ANKRD45: variants seen among roughly 807,000 people sequenced by gnomAD.
ANKRD45 encodes ankyrin repeat domain-containing protein 45.
ANKRD45 carries 21 observed loss-of-function variants against 28.1 expected under a neutral mutation model. The ratio of observed to expected loss-of-function variants is 0.75; its 90% CI spans 0.53 to 1.08. The LOEUF (loss-of-function observed/expected upper bound fraction) is 1.08, where lower values mean the gene tolerates loss of function less well. Among genes scored for constraint, ANKRD45 ranks in the 50% least tolerant of loss-of-function variants. The pLI is 0.00. For missense variants in ANKRD45, 261 were observed against 308.7 expected, an observed-to-expected ratio of 0.85 and a Z score of 1.16; for synonymous variants, 86 against 103.9, an observed-to-expected ratio of 0.83 and a Z score of 1.05.
the ANKRD45 span, among the ~76,000 whole-genome samples, chr1:173,696,389 G>A: frequency 2.0e-5 from 3 of 152,254 alleles, no homozygotes; most frequent in Admixed American, 2.0e-4. Flanking sequence ...TTTCTTCTAG[G>A]ATTTTTATAG....
chr1:173,689,715 T>C, the ANKRD45 span, among the ~76,000 whole-genome samples: 1 of 152,110 alleles, frequency 6.6e-6, no homozygotes, highest in Non-Finnish European at 1.5e-5. Flanking sequence ...GGGTACTTAT[T>C]CCCAAATTCC....
rs1245770392 is a variant in ANKRD45, at chr1:173,608,882, AGGGAG to A, written c.*1258_*1262del. Among the ~76,000 whole-genome samples, 4 of 67,472 alleles carry A rather than the reference AGGGAG, an allele frequency of 5.9e-5. No individual in the cohort carries two copies. The highest frequency in any genetic ancestry group is 1.0e-4 in the Non-Finnish European group (4 of 38,290). 44.3% of individuals were successfully genotyped at this position (67,472 alleles called of 152,430 possible). On this transcript the variant is annotated 3_prime_UTR_variant, in exon 6 of 6. Coordinates refer to ENST00000333279, the MANE Select transcript of ANKRD45 (RefSeq NM_198493.3). ...GAGGAAGGGAGGGGAGGGGAGAGGA[AGGGAG>A]GGGAGGGGAGAGGAAGGGAGAGGAA...
chr1:173,641,696 AAAC>A (rs1217550288), intron 3 of ANKRD45, among the ~76,000 whole-genome samples: 1 of 152,126 alleles, frequency 6.6e-6, no homozygotes, highest in East Asian at 1.9e-4. Context: ...GCGAAAGTAA[AAAC>A]AAGACACTGC....
chr1:173,675,078 G>A, the ANKRD45 span, among the ~76,000 whole-genome samples: 10 of 152,196 alleles, frequency 6.6e-5, no homozygotes, highest in African/African-American at 2.4e-4. Flanking sequence ...AACGATCCTG[G>A]AAAATCAATA....
intron 5 of ANKRD45, among the ~76,000 whole-genome samples, chr1:173,611,621 A>ACT (rs35863665): frequency 6.5e-4 from 72 of 110,688 alleles, no homozygotes; most frequent in Middle Eastern, 6.5e-3. Context: ...ACACACACAC[A>ACT]ATAAAAATAT....
chr1:173,693,882 T>C, the ANKRD45 span, among the ~76,000 whole-genome samples: 1 of 152,230 alleles, frequency 6.6e-6, no homozygotes, highest in African/African-American at 2.4e-5. Context: ...TGCCCATCAG[T>C]AACTTTTATT....
At chr1:173,653,730 T>A (rs12076223) in intron 2 of ANKRD45, among the ~76,000 whole-genome samples, 25,761 of 151,948 alleles carry the variant, frequency 0.17, 7,291 homozygotes, top group African/African-American at 0.59. Context: ...TGTTTGGGAG[T>A]CTAAATCTCT....
At chr1:173,702,871 C>T in the ANKRD45 span, among the ~76,000 whole-genome samples, 1 of 151,870 alleles carries the variant, frequency 6.6e-6, no homozygotes, top group Non-Finnish European at 1.5e-5. Context: ...AATAGACATG[C>T]ACCACCACCA....
the ANKRD45 span, among the ~76,000 whole-genome samples, chr1:173,682,138 T>A: frequency 6.6e-6 from 1 of 151,984 alleles, no homozygotes; most frequent in Non-Finnish European, 1.5e-5. Flanking sequence ...TTTATTTAAA[T>A]AGGGACTACT....
At chr1:173,693,294 C>CAAA in the ANKRD45 span, among the ~76,000 whole-genome samples, 1 of 141,778 alleles carries the variant, frequency 7.1e-6, no homozygotes, top group African/African-American at 2.6e-5. Flanking sequence ...GACTCCACCT[C>CAAA]AAAAAAAAAA....
intron 2 of ANKRD45, among the ~76,000 whole-genome samples, chr1:173,653,922 C>CTTTTTTTTTTTTT (rs1185149394): frequency 2.0e-5 from 2 of 100,328 alleles, no homozygotes; most frequent in Non-Finnish European, 4.1e-5. Context: ...GCAACCCTTG[C>CTTTTTTTTTTTTT]TTTTTTTTTT....
chr1:173,706,326 CCTT>C, the ANKRD45 span, among the ~76,000 whole-genome samples: 2 of 149,938 alleles, frequency 1.3e-5, no homozygotes, highest in African/African-American at 2.5e-5. Flanking sequence ...AAAAGATCCT[CCTT>C]GTTTTGTTTT....
the ANKRD45 span, among the ~76,000 whole-genome samples, chr1:173,687,157 C>T: frequency 6.6e-6 from 1 of 152,206 alleles, no homozygotes; most frequent in African/African-American, 2.4e-5. Flanking sequence ...TAAAAATCCA[C>T]ATTCTTATGC....
intron 2 of ANKRD45, among the ~76,000 whole-genome samples, chr1:173,657,046 G>T (rs1669554486): frequency 6.8e-6 from 1 of 148,116 alleles, no homozygotes; most frequent in South Asian, 2.2e-4. Flanking sequence ...CCATAGTGCT[G>T]GGATTACAGG....
intron 1 of ANKRD45, among the ~76,000 whole-genome samples, chr1:173,663,125 G>T (rs964020681): frequency 1.3e-5 from 2 of 150,964 alleles, no homozygotes; most frequent in East Asian, 3.9e-4. Context: ...CAGTTTCAGA[G>T]AATTCTAATA....
At chr1:173,630,343 CATA>C (rs1257012715) in intron 3 of ANKRD45, among the ~76,000 whole-genome samples, 1 of 152,004 alleles carries the variant, frequency 6.6e-6, no homozygotes, top group Non-Finnish European at 1.5e-5. Flanking sequence ...ATCTATCAAA[CATA>C]ATAATTTTCA....
chr1:173,635,843 A>C lies in ANKRD45; in HGVS notation c.497-8684T>G, dbSNP rs1186608849. The C allele has an allele frequency of 2.0e-5, 31 of 1,525,536 alleles. No homozygotes were observed. Among genetic ancestry groups the C allele is most frequent in the Non-Finnish European group, 2.5e-5 (29 of 1,140,046 alleles). The allele number at this position is 1,525,536 out of a possible 1,614,324, so 94.5% of individuals were successfully genotyped here. On this transcript the variant is annotated intron_variant, in intron 3 of 5. Coordinates refer to ENST00000333279, the MANE Select transcript of ANKRD45 (RefSeq NM_198493.3). ...GAAGAAATGGAAGAAACACCAAAAA[A>C]AGGTGAATTCGTGATACAAGTAGTA...
the ANKRD45 span, among the ~76,000 whole-genome samples, chr1:173,690,831 G>A: frequency 6.6e-6 from 1 of 152,106 alleles, no homozygotes; most frequent in Non-Finnish European, 1.5e-5. Context: ...TAAGGTTCAA[G>A]GTTCAATTTC....
chr1:173,661,004 T>A (rs1669749005), intron 1 of ANKRD45, among the ~76,000 whole-genome samples: 1 of 152,248 alleles, frequency 6.6e-6, no homozygotes, highest in South Asian at 2.1e-4. Flanking sequence ...ACAATATAAA[T>A]GAATCTTACC....
Sources: gnomAD v4.1 joint callset for allele counts (sites outside exome capture counted in the v4.1 genomes callset) on GRCh38, gnomAD v4.1.1 for gene constraint, MANE v1.5 for transcripts, NCBI Gene and HGNC (gene_info 2026-07-23, HGNC 2026-07-21) for gene names.